The following OXR1 variants were observed in gnomAD, a reference collection of about 807,000 sequenced individuals.
OXR1 encodes oxidation resistance 1.
In OXR1, 41 loss-of-function variants were observed where a neutral mutation model predicts 104.6. The ratio of observed to expected loss-of-function variants is 0.39; its 90% CI spans 0.31 to 0.51. OXR1 has a LOEUF of 0.51. OXR1 is among the 20% of genes least tolerant of loss of function. OXR1 has a pLI of 0.77. For missense variants in OXR1, 955 were observed against 1,031.9 expected, an observed-to-expected ratio of 0.93 and a Z score of 1.02; for synonymous variants, 348 against 348.4, an observed-to-expected ratio of 1.00 and a Z score of 0.01.
chr8:106,640,726 A>G (rs1823560128), intron 3 of OXR1, among the ~76,000 whole-genome samples: 1 of 152,218 alleles, frequency 6.6e-6, no homozygotes, highest in Non-Finnish European at 1.5e-5. Context: ...TTTAAATTAC[A>G]TCTGAGAAAG....
chr8:106,285,240 C>T (rs1812448843), intron 1 of OXR1, among the ~76,000 whole-genome samples: 1 of 152,094 alleles, frequency 6.6e-6, no homozygotes, highest in Admixed American at 6.5e-5. Context: ...CTCAGCTAAT[C>T]CTCTGAATTA....
chr8:106,495,963 T>C (rs895139124), intron 2 of OXR1, among the ~76,000 whole-genome samples: 5 of 152,316 alleles, frequency 3.3e-5, no homozygotes, highest in South Asian at 2.1e-4. Context: ...TGTAGATTTA[T>C]AGTTACTACT....
intron 3 of OXR1, among the ~76,000 whole-genome samples, chr8:106,610,733 C>G (rs2130797701): frequency 6.6e-6 from 1 of 152,324 alleles, no homozygotes; most frequent in Non-Finnish European, 1.5e-5. Context: ...ACTCTTTCCT[C>G]CTTTAAATCC....
chr8:106,510,356 T>G (rs190998359), intron 2 of OXR1, among the ~76,000 whole-genome samples: 324 of 152,326 alleles, frequency 2.1e-3, no homozygotes, highest in Middle Eastern at 0.02. Context: ...GTAATTAAGT[T>G]GATCTGGTGG....
chr8:106,740,301 C>T (rs1834812391), intron 13 of OXR1, 42 bp from the exon 14 acceptor site: 13 of 1,545,296 alleles, frequency 8.4e-6, no homozygotes, highest in Non-Finnish European at 1.1e-5. Flanking sequence ...ACATAATGAA[C>T]AACAAGCTAT....
intron 2 of OXR1, among the ~76,000 whole-genome samples, chr8:106,419,890 A>C (rs535891571): frequency 6.6e-6 from 1 of 152,174 alleles, no homozygotes; most frequent in African/African-American, 2.4e-5. Context: ...AAAGGAAACA[A>C]TTCATCCTGG....
chr8:106,725,953 T>C (rs1833296565), intron 11 of OXR1: 2 of 312,720 alleles, frequency 6.4e-6, no homozygotes, highest in Non-Finnish European at 1.2e-5. Context: ...TCTGTGTCTT[T>C]AAACTTTTGA....
At chr8:106,617,979 G>A (rs1186126618) in intron 3 of OXR1, 3 of 1,445,978 alleles carry the variant, frequency 2.1e-6, no homozygotes, top group African/African-American at 2.9e-5. Flanking sequence ...CCTGTGTGCA[G>A]AAACAGAAAC....
At chr8:106,735,040 A>G (rs1344866317) in intron 11 of OXR1, among the ~76,000 whole-genome samples, 1 of 152,172 alleles carries the variant, frequency 6.6e-6, no homozygotes, top group African/African-American at 2.4e-5. Flanking sequence ...GGGTAAAGTA[A>G]TAAATTGTAT....
chr8:106,643,227 G>T (rs1823805842), intron 3 of OXR1, among the ~76,000 whole-genome samples: 1 of 152,084 alleles, frequency 6.6e-6, no homozygotes, highest in South Asian at 2.1e-4. Context: ...TAGGCTTTTT[G>T]GGCCATAAAG....
At chr8:106,389,633 C>T (rs530407230) in intron 2 of OXR1, among the ~76,000 whole-genome samples, 1 of 152,258 alleles carries the variant, frequency 6.6e-6, no homozygotes, top group South Asian at 2.1e-4. Flanking sequence ...CTGAGCTTAC[C>T]TCCCAAAGAG....
chr8:106,671,044 C>CAAAAAAAAAAAAAAAAAAAAAAAAAAAA (rs60404483), intron 3 of OXR1, among the ~76,000 whole-genome samples: 8 of 48,938 alleles, frequency 1.6e-4, no homozygotes, highest in African/African-American at 6.1e-4. Context: ...GACTCTGTCT[C>CAAAAAAAAAAAAAAAAAAAAAAAAAAAA]AAAAAAAAAA....
chr8:106,666,913 A>T (rs1826394628), intron 3 of OXR1, among the ~76,000 whole-genome samples: 1 of 152,232 alleles, frequency 6.6e-6, no homozygotes, highest in African/African-American at 2.4e-5. Context: ...TGGCTATGCA[A>T]ATAATCTTTG....
intron 2 of OXR1, among the ~76,000 whole-genome samples, chr8:106,432,500 T>A (rs1819401682): frequency 6.6e-6 from 1 of 152,154 alleles, no homozygotes; most frequent in African/African-American, 2.4e-5. Context: ...GCTCGTTCTT[T>A]CCCTTAGCTT....
chr8:106,390,303 T>C (rs1160307121), intron 2 of OXR1, among the ~76,000 whole-genome samples: 1 of 152,134 alleles, frequency 6.6e-6, no homozygotes, highest in African/African-American at 2.4e-5. Flanking sequence ...GACACCTTAA[T>C]GGACAAAAAA....
At chr8:106,393,352 G>A (rs1817656026) in intron 2 of OXR1, among the ~76,000 whole-genome samples, 1 of 152,130 alleles carries the variant, frequency 6.6e-6, no homozygotes, top group Non-Finnish European at 1.5e-5. Context: ...CCTGGACTCA[G>A]ATAATCCCAA....
intron 2 of OXR1, among the ~76,000 whole-genome samples, chr8:106,514,913 A>G (rs1424838141): frequency 1.3e-5 from 2 of 152,124 alleles, no homozygotes; most frequent in African/African-American, 4.8e-5. Flanking sequence ...TTTCCTTTAA[A>G]TATTTACTCC....
chr8:106,636,176 A>G (rs764011555), intron 3 of OXR1, among the ~76,000 whole-genome samples: 41 of 152,222 alleles, frequency 2.7e-4, no homozygotes, highest in East Asian at 1.9e-4. Context: ...TCTCATTCTT[A>G]TAAGTGCGAA....
At chr8:106,592,780 G>T (rs1485318102) in intron 3 of OXR1, among the ~76,000 whole-genome samples, 2 of 152,144 alleles carry the variant, frequency 1.3e-5, no homozygotes, top group Non-Finnish European at 2.9e-5. Context: ...AATTGCAAGA[G>T]GAAGCCATTG....
Sources: allele counts gnomAD v4.1 joint callset (sites outside exome capture counted in the v4.1 genomes callset), GRCh38; gene constraint gnomAD v4.1.1; transcripts MANE v1.5; gene names NCBI Gene and HGNC (gene_info 2026-07-23, HGNC 2026-07-21).